EP400: variants seen among roughly 807,000 people sequenced by gnomAD.
EP400 encodes E1A-binding protein p400.
In EP400, 105 loss-of-function variants were observed where a neutral mutation model predicts 354.1. That is an observed-to-expected ratio of 0.30 (90% CI 0.25 to 0.35). The LOEUF (loss-of-function observed/expected upper bound fraction) is 0.35, where lower values mean the gene tolerates loss of function less well. EP400 is among the 10% of genes least tolerant of loss of function. EP400 has a pLI of 1.00. For synonymous variants in EP400, 1,646 were observed against 1,716.9 expected, an observed-to-expected ratio of 0.96 and a Z score of 1.02; for missense variants, 3,280 against 4,121.0, an observed-to-expected ratio of 0.80 and a Z score of 5.59.
intron 15 of EP400, among the ~76,000 whole-genome samples, chr12:132,008,434 C>T (rs988927341): frequency 1.3e-5 from 2 of 152,122 alleles, no homozygotes; most frequent in Admixed American, 6.5e-5. Context: ...GTCTTTGGCC[C>T]GTGTCACACA....
At chr12:132,046,647 G>C (rs1330959974) in intron 39 of EP400, among the ~76,000 whole-genome samples, 19 of 152,344 alleles carry the variant, frequency 1.2e-4, no homozygotes, top group Non-Finnish European at 8.8e-5. Context: ...AGTCCAGGCG[G>C]CTGGTCAGTA....
chr12:131,981,746 C>A, intron 4 of EP400, 150 bp downstream of exon 4: 1 of 675,632 alleles, frequency 1.5e-6, no homozygotes, highest in Non-Finnish European at 2.5e-6. Flanking sequence ...GAGTCCCAGT[C>A]GATATCATAT....
intron 2 of EP400, among the ~76,000 whole-genome samples, chr12:131,969,577 C>T (rs1000153094): frequency 5.3e-5 from 8 of 152,132 alleles, no homozygotes; most frequent in Admixed American, 2.6e-4. Context: ...CTCTTACTTC[C>T]GGAGGACTTC....
chr12:132,057,621 A>G (rs1895555874), intron 45 of EP400, among the ~76,000 whole-genome samples: 1 of 151,978 alleles, frequency 6.6e-6, no homozygotes. Context: ...CCTCTAAAAC[A>G]CTCTTAAGCA....
chr12:132,047,326 G>GA (rs1178650974), intron 39 of EP400, among the ~76,000 whole-genome samples: 1 of 151,946 alleles, frequency 6.6e-6, no homozygotes, highest in Non-Finnish European at 1.5e-5. Flanking sequence ...CCTTATTATG[G>GA]AAAAAAAATT....
At position 132,050,618 on chromosome 12, in the gene EP400, C is replaced by A. The variant is rs1237083193; in HGVS notation, c.7357C>A (p.Gln2453Lys). 1 of 1,614,190 alleles carries A rather than the reference C, an allele frequency of 6.2e-7. No individual in the cohort carries two copies. ...CTTCAGGCTTGGCATGAATCCCTTTCAGAAGAACCCCAAGCACGCGTCTGT... is the reference window on the plus strand; with the variant it reads ...CTTCAGGCTTGGCATGAATCCCTTTAAGAAGAACCCCAAGCACGCGTCTGT... The part of the protein sequence containing the change: ...IKPLLGMNPF[Q>K]KNPKHASVLA... Residue 2453 changes from glutamine (Q) to lysine (K), a missense_variant, in exon 41 of 53, where the codon CAG becomes AAG. Coordinates refer to ENST00000389561, the MANE Select transcript of EP400 (RefSeq NM_015409.5). The surrounding 1 kb of genome is among the most constrained non-coding windows in gnomAD (Gnocchi z 4.8).
intron 2 of EP400, among the ~76,000 whole-genome samples, chr12:131,966,111 C>T (rs989378755): frequency 3.3e-5 from 5 of 152,022 alleles, no homozygotes; most frequent in Admixed American, 6.6e-5. Context: ...CCCGTCCGGC[C>T]GGGTGCAGTG....
chr12:131,963,382 C>T, intron 2 of EP400: 1 of 609,660 alleles, frequency 1.6e-6, no homozygotes, highest in South Asian at 2.0e-5. Context: ...ATAAATCTGT[C>T]AGTTCAGTAT....
At chr12:131,980,536 T>A (rs78566288) in intron 3 of EP400, among the ~76,000 whole-genome samples, 5 of 152,192 alleles carry the variant, frequency 3.3e-5, no homozygotes, top group African/African-American at 1.2e-4. Context: ...TTTTCCTACA[T>A]GTTTATCAGT....
intron 39 of EP400, among the ~76,000 whole-genome samples, chr12:132,049,088 G>C (rs1405685122): frequency 6.6e-6 from 1 of 152,244 alleles, no homozygotes; most frequent in Non-Finnish European, 1.5e-5. Context: ...CACTCCCTGT[G>C]GAAGCCCATG....
rs1283206163 is a variant in EP400, at chr12:132,050,550, C to G, written c.7338-49C>G. 6.2e-6 allele frequency: 10 copies of G among 1,613,362 alleles called. No homozygotes were observed. The highest frequency in any genetic ancestry group is 8.5e-6 in the Non-Finnish European group (10 of 1,179,444). On this transcript the variant is annotated intron_variant, in intron 40 of 52. Transcript: ENST00000389561. This position sits in a 1 kb window ranked among gnomAD's most constrained non-coding sequence, Gnocchi z 4.8. ...GATGTGTTTTTAACATACCCTTCTT[C>G]AGATATTTCCTTTATTTAATAATTG...
intron 2 of EP400, among the ~76,000 whole-genome samples, chr12:131,962,280 T>C (rs1386282418): frequency 6.6e-6 from 1 of 152,178 alleles, no homozygotes; most frequent in East Asian, 1.9e-4. Flanking sequence ...CCAGTTTTTT[T>C]CCCCTTGTAT....
rs777632667 is a variant in EP400 at position 131,955,313 on chromosome 12, G to A, written c.-35-5272G>A. On this transcript the variant is annotated intron_variant, in intron 1 of 52. Transcript: ENST00000389561. Reference sequence around the variant, plus strand: ...TGCTTTTTTTTTGAGACGGAGTTTCGCTCTTGTTGCCCAAGCTGGAGTGCA... The same window carrying A: ...TGCTTTTTTTTTGAGACGGAGTTTCACTCTTGTTGCCCAAGCTGGAGTGCA... Among the ~76,000 whole-genome samples the A allele has an allele frequency of 5.7e-4, 86 of 151,732 alleles. 1 individual carries two copies. Among genetic ancestry groups the A allele is most frequent in the Non-Finnish European group, 2.2e-4 (15 of 67,976 alleles).
At chr12:131,962,125 TTCATGGGAAGGAAGAGCTG>T (rs1891905524) in intron 2 of EP400, among the ~76,000 whole-genome samples, 171 bp downstream of exon 2, 1 of 152,204 alleles carries the variant, frequency 6.6e-6, no homozygotes, top group Non-Finnish European at 1.5e-5. Context: ...TTTGGCCTCC[TTCATGGGAAGGAAGAGCTG>T]TTGAGCGCAG....
At chr12:131,955,316 CTT>C (rs1461756723) in intron 1 of EP400, among the ~76,000 whole-genome samples, 2 of 151,876 alleles carry the variant, frequency 1.3e-5, no homozygotes, top group East Asian at 3.8e-4. Flanking sequence ...GAGTTTCGCT[CTT>C]GTTGCCCAAG....
intron 2 of EP400, among the ~76,000 whole-genome samples, chr12:131,974,772 G>A (rs1032640167): frequency 6.6e-6 from 1 of 151,858 alleles, no homozygotes; most frequent in East Asian, 1.9e-4. Context: ...GGCGGATCAC[G>A]AGGTCAGGAA....
intron 23 of EP400, among the ~76,000 whole-genome samples, chr12:132,022,069 G>A (rs1346866099): frequency 6.6e-6 from 1 of 152,216 alleles, no homozygotes; most frequent in East Asian, 1.9e-4. Context: ...GTGATGCACA[G>A]AGACACTTGA....
chr12:132,027,337 G>T lies in EP400; in HGVS notation c.5015-100G>T, dbSNP rs1266088995. On this transcript the variant is annotated intron_variant, in intron 25 of 52. Coordinates refer to ENST00000389561, the MANE Select transcript of EP400 (RefSeq NM_015409.5). This position sits in a 1 kb window ranked among gnomAD's most constrained non-coding sequence, Gnocchi z 4.9. ...CCGTTGCAGAATGACTTTCTGTGGA[G>T]TGTGCTGGTGGAGGGTGAGGTTCCA... 7 of 1,155,704 alleles carry T rather than the reference G, an allele frequency of 6.1e-6. No homozygotes were observed. Among genetic ancestry groups the T allele is most frequent in the Admixed American group, 3.7e-5 (2 of 54,488 alleles). The allele number at this position is 1,155,704 out of a possible 1,614,324, so 71.6% of individuals were successfully genotyped here. A position where few individuals can be genotyped will look rare whatever the true frequency, so the allele number is the denominator to read the frequency against.
chr12:132,033,633 G>A (rs559911010), intron 30 of EP400, among the ~76,000 whole-genome samples: 2 of 152,044 alleles, frequency 1.3e-5, no homozygotes, highest in South Asian at 4.2e-4. Flanking sequence ...CTAGGCTCAG[G>A]TAATCCTCCC....
Sources: gnomAD v4.1 joint callset for allele counts (sites outside exome capture counted in the v4.1 genomes callset) on GRCh38, gnomAD v4.1.1 for gene constraint, Gnocchi (gnomAD v3.1) non-coding constraint, MANE v1.5 for transcripts, NCBI Gene and HGNC (gene_info 2026-07-23, HGNC 2026-07-21) for gene names.